RALYL: variants seen among roughly 807,000 people sequenced by gnomAD.
RALYL encodes the protein RALY RNA binding protein like.
A neutral mutation model predicts 35.1 loss-of-function variants in RALYL; 29 were observed. The ratio of observed to expected loss-of-function variants is 0.83; its 90% CI spans 0.61 to 1.13. The LOEUF is 1.13. RALYL is among the 50% of genes most tolerant of loss of function. RALYL has a pLI of 0.00. For missense variants in RALYL, 359 were observed against 360.4 expected (o/e 1.00, Z 0.03); for synonymous variants, 120 against 127.6 (o/e 0.94, Z 0.40).
rs185325146 is a variant in RALYL, at chr8:84,869,014, T to A, written c.572-4270T>A. The stretch of plus-strand genomic sequence containing the variant: ...GTTCATTTTCTTATTATAGGATATT[T>A]ATATATATATATAAAGAAAGGGACA... On this transcript the variant is annotated intron_variant, in intron 6 of 8. Coordinates refer to ENST00000521268, the MANE Select transcript of RALYL (RefSeq NM_173848.7). Among the ~76,000 whole-genome samples, 4 of 137,292 alleles carry A rather than the reference T, an allele frequency of 2.9e-5. No homozygotes were observed. The East Asian group carries it at 7.8e-4, about 27-fold the overall frequency. The allele number at this position is 137,292 out of a possible 152,430, so 90.1% of individuals were successfully genotyped here. A position where few individuals can be genotyped will look rare whatever the true frequency, so the allele number is the denominator to read the frequency against.
intron 2 of RALYL, among the ~76,000 whole-genome samples, chr8:84,726,375 C>T (rs542108217): frequency 1.6e-4 from 24 of 148,496 alleles, no homozygotes; most frequent in Non-Finnish European, 3.1e-4. Context: ...GTCTTCCTTA[C>T]AGATAATGGT....
intron 2 of RALYL, among the ~76,000 whole-genome samples, chr8:84,698,826 G>A (rs1029517901): frequency 1.4e-4 from 21 of 152,070 alleles, no homozygotes; most frequent in South Asian, 2.1e-4. Flanking sequence ...TCTACTTCAC[G>A]TGCCACGTGC....
intron 1 of RALYL, among the ~76,000 whole-genome samples, chr8:84,413,010 A>G (rs998450062): frequency 7.2e-4 from 110 of 151,972 alleles, no homozygotes; most frequent in African/African-American, 2.5e-3. Context: ...GCAACAGAGA[A>G]GAAGAAAAAA....
intron 2 of RALYL, among the ~76,000 whole-genome samples, chr8:84,665,097 T>C (rs1831726307): frequency 6.6e-6 from 1 of 152,176 alleles, no homozygotes; most frequent in Admixed American, 6.6e-5. Context: ...GTTGTTTTTG[T>C]CTTTAGTCCT....
intron 2 of RALYL, among the ~76,000 whole-genome samples, chr8:84,635,355 G>GAAC (rs3993379): frequency 0.37 from 55,897 of 151,194 alleles, 12,670 homozygotes; most frequent in South Asian, 0.58. Flanking sequence ...TTCTATAGAA[G>GAAC]AACTATTTCC....
At chr8:84,861,243 G>A (rs913210257) in intron 5 of RALYL, among the ~76,000 whole-genome samples, 32 of 151,974 alleles carry the variant, frequency 2.1e-4, no homozygotes, top group African/African-American at 6.5e-4. Flanking sequence ...AGTGAATAAC[G>A]TAATTACATG....
intron 1 of RALYL, among the ~76,000 whole-genome samples, chr8:84,357,357 C>T (rs73688488): frequency 0.012 from 1,875 of 152,056 alleles, 44 homozygotes; most frequent in African/African-American, 0.043. Flanking sequence ...CATGCATTCC[C>T]ACTTACTGCC....
At chr8:84,599,853 A>G (rs574452401) in intron 2 of RALYL, among the ~76,000 whole-genome samples, 1 of 151,130 alleles carries the variant, frequency 6.6e-6, no homozygotes, top group South Asian at 2.1e-4. Flanking sequence ...TCCAAAAAGA[A>G]TATTTTGCTT....
intron 1 of RALYL, among the ~76,000 whole-genome samples, chr8:84,315,316 A>ATCT (rs1843529724): frequency 1.3e-5 from 2 of 152,230 alleles, no homozygotes; most frequent in Non-Finnish European, 2.9e-5. Context: ...GTCTCTATGT[A>ATCT]CTGATGGGAG....
At chr8:84,679,603 T>C in intron 2 of RALYL, 2 of 460,954 alleles carry the variant, frequency 4.3e-6, no homozygotes, top group South Asian at 1.7e-5. Context: ...TCTTCTTTGA[T>C]GAAACTGATG....
chr8:84,490,240 T>A (rs147194936), intron 1 of RALYL, among the ~76,000 whole-genome samples: 2,454 of 151,844 alleles, frequency 0.016, 67 homozygotes, highest in African/African-American at 0.056. Context: ...CATTAAAAAA[T>A]TTTCTAAATT....
intron 1 of RALYL, among the ~76,000 whole-genome samples, chr8:84,195,691 C>T (rs1815106026): frequency 6.6e-6 from 1 of 152,080 alleles, no homozygotes; most frequent in Non-Finnish European, 1.5e-5. Context: ...ATGTATTACT[C>T]TCGTTCCATT....
At chr8:84,586,013 G>A (rs1811916953) in intron 2 of RALYL, among the ~76,000 whole-genome samples, 1 of 151,932 alleles carries the variant, frequency 6.6e-6, no homozygotes. Flanking sequence ...TGACCAACAT[G>A]GTGAAACCCC....
intron 2 of RALYL, among the ~76,000 whole-genome samples, chr8:84,571,311 A>C (rs1051419343): frequency 8.6e-5 from 13 of 151,692 alleles, no homozygotes; most frequent in African/African-American, 3.1e-4. Context: ...TGGTCTATTA[A>C]GGGTATCTAT....
intron 1 of RALYL, among the ~76,000 whole-genome samples, chr8:84,253,066 T>G (rs1830501519): frequency 6.6e-6 from 1 of 152,020 alleles, no homozygotes; most frequent in Non-Finnish European, 1.5e-5. Context: ...CTAAAACTAC[T>G]TCTTTAACAG....
chr8:84,817,369 T>C (rs971986952), intron 4 of RALYL, among the ~76,000 whole-genome samples: 2 of 152,036 alleles, frequency 1.3e-5, no homozygotes, highest in African/African-American at 4.8e-5. Flanking sequence ...TAACAGATGC[T>C]ATATATTATT....
intron 1 of RALYL, among the ~76,000 whole-genome samples, chr8:84,500,163 A>G (rs1012081265): frequency 6.6e-6 from 1 of 152,210 alleles, no homozygotes; most frequent in African/African-American, 2.4e-5. Flanking sequence ...AAATTGAAAT[A>G]TGATGATTTA....
intron 1 of RALYL, among the ~76,000 whole-genome samples, chr8:84,379,861 CA>C (rs201626471): frequency 1.7e-3 from 216 of 126,164 alleles, no homozygotes; most frequent in Admixed American, 1.8e-3. Flanking sequence ...CTCTCAAGCT[CA>C]AAAAAAAAAA....
intron 1 of RALYL, among the ~76,000 whole-genome samples, chr8:84,238,943 G>C (rs1180323357): frequency 6.6e-6 from 1 of 152,130 alleles, no homozygotes; most frequent in East Asian, 1.9e-4. Flanking sequence ...ACAAGTTGTG[G>C]CTCAGAATTA....
Sources: allele counts gnomAD v4.1 joint callset (sites outside exome capture counted in the v4.1 genomes callset), GRCh38; gene constraint gnomAD v4.1.1; transcripts MANE v1.5; gene names NCBI Gene and HGNC (gene_info 2026-07-23, HGNC 2026-07-21).